Variants in ANKRD31 observed in about 807,000 individuals in gnomAD.
ANKRD31 encodes the protein ankyrin repeat domain-containing protein 31.
ANKRD31 carries 147 observed loss-of-function variants against 186.0 expected under a neutral mutation model. The observed-to-expected ratio is 0.79, with a 90% confidence interval of 0.69 to 0.91. The LOEUF (loss-of-function observed/expected upper bound fraction) is 0.91. Ranked by LOEUF, ANKRD31 falls within the 40% of genes least tolerant of loss-of-function variation. ANKRD31 has a pLI of 0.00. For missense variants in ANKRD31, 1,986 were observed against 2,148.8 expected (o/e 0.92, Z 1.50); for synonymous variants, 673 against 736.4 (o/e 0.91, Z 1.39).
At chr5:75,170,562 T>C (rs766943170) in intron 10 of ANKRD31, among the ~76,000 whole-genome samples, 7 of 152,096 alleles carry the variant, frequency 4.6e-5, no homozygotes, top group Admixed American at 1.3e-4. Flanking sequence ...TTTAAATGGG[T>C]AAATTGTGTG....
chr5:75,089,684 C>T (rs565605597), intron 23 of ANKRD31, among the ~76,000 whole-genome samples: 17 of 152,158 alleles, frequency 1.1e-4, no homozygotes, highest in Admixed American at 2.6e-4. Context: ...TTTAAAACTC[C>T]GTTTTCATTT....
chr5:75,149,787 T>C (rs1291286550), intron 12 of ANKRD31, among the ~76,000 whole-genome samples: 2 of 151,908 alleles, frequency 1.3e-5, no homozygotes, highest in Non-Finnish European at 2.9e-5. Context: ...TCCATTATTA[T>C]TGTTATTATT....
chr5:75,171,957 G>A (rs975070820), intron 10 of ANKRD31, among the ~76,000 whole-genome samples: 9 of 151,288 alleles, frequency 5.9e-5, no homozygotes, highest in Non-Finnish European at 1.3e-4. Flanking sequence ...AAAACCAAAG[G>A]CATTATAAAA....
chr5:75,092,995 A>T (rs1746038581), intron 22 of ANKRD31, among the ~76,000 whole-genome samples: 1 of 152,242 alleles, frequency 6.6e-6, no homozygotes, highest in Non-Finnish European at 1.5e-5. Context: ...GAGGCTCAAC[A>T]GATTTAAACT....
intron 11 of ANKRD31, among the ~76,000 whole-genome samples, chr5:75,159,884 A>G (rs535084343): frequency 6.6e-6 from 1 of 152,238 alleles, no homozygotes; most frequent in African/African-American, 2.4e-5. Flanking sequence ...GCATAAAACA[A>G]TATGATATTG....
chr5:75,076,134 A>G (rs939090366), intron 25 of ANKRD31, among the ~76,000 whole-genome samples: 2 of 152,192 alleles, frequency 1.3e-5, no homozygotes, highest in Non-Finnish European at 2.9e-5. Context: ...CCTCACACTA[A>G]CCGCTGGTCC....
intron 17 of ANKRD31, among the ~76,000 whole-genome samples, chr5:75,120,838 A>G (rs1202929250): frequency 3.3e-5 from 5 of 152,200 alleles, no homozygotes; most frequent in African/African-American, 1.2e-4. Context: ...GGATTTTTAA[A>G]ATGAACCAAC....
chr5:75,092,782 G>T (rs1580307895), intron 22 of ANKRD31, among the ~76,000 whole-genome samples: 1 of 152,074 alleles, frequency 6.6e-6, no homozygotes, highest in Non-Finnish European at 1.5e-5. Flanking sequence ...CCAGACACTG[G>T]ATTTAACAAA....
Position 75,146,040 on chromosome 5 carries a change from G to A in ANKRD31, c.3371C>T (p.Ala1124Val), listed in dbSNP as rs1434749293. 1.3e-6 allele frequency: 2 copies of A among 1,508,412 alleles called. No individual in the cohort carries two copies. Among genetic ancestry groups the A allele is most frequent in the Admixed American group, 4.6e-5 (2 of 43,016 alleles). The allele number at this position is 1,508,412 out of a possible 1,614,324, so 93.4% of individuals were successfully genotyped here. ...TCTTTGACTAAGTTTTGAGATGTTG[G>A]CCAATTCTTTACTCATATTGTCAGT... is the stretch of plus-strand genomic sequence containing the variant. ...HSTDNMSKEL[A>V]NISKLSQREK... is the part of the protein sequence containing the mutation. The change falls in exon 14 of 26, where the codon GCC becomes GTC. Residue 1124 changes from alanine (A) to valine (V), a missense_variant. Physicochemically the swap from Ala to Val is moderately conservative, Grantham distance 64. Coordinates refer to ENST00000506364, the MANE Select transcript of ANKRD31 (RefSeq NM_001372053.1).
chr5:75,193,954 T>G (rs565773318), intron 7 of ANKRD31, among the ~76,000 whole-genome samples: 27 of 152,302 alleles, frequency 1.8e-4, no homozygotes, highest in Admixed American at 1.5e-3. Context: ...GCTAGATCAA[T>G]GGACTATTCA....
intron 10 of ANKRD31, among the ~76,000 whole-genome samples, chr5:75,178,678 G>A: frequency 6.6e-6 from 1 of 152,086 alleles, no homozygotes; most frequent in Admixed American, 6.6e-5. Flanking sequence ...GATGTTCTTT[G>A]AAACCAACGA....
At chr5:75,138,473 G>C (rs1282889025) in intron 16 of ANKRD31, among the ~76,000 whole-genome samples, 2 of 152,034 alleles carry the variant, frequency 1.3e-5, no homozygotes, top group African/African-American at 4.8e-5. Context: ...AAAATAAAGA[G>C]AGAAAAAGGA....
chr5:75,126,538 T>C (rs1197538970), intron 17 of ANKRD31, among the ~76,000 whole-genome samples: 1 of 152,206 alleles, frequency 6.6e-6, no homozygotes, highest in African/African-American at 2.4e-5. Context: ...ATAAAGCTGC[T>C]ATCCACATTC....
At chr5:75,131,245 G>A (rs984614352) in intron 17 of ANKRD31, among the ~76,000 whole-genome samples, 4 of 152,232 alleles carry the variant, frequency 2.6e-5, no homozygotes, top group African/African-American at 9.6e-5. Flanking sequence ...ACGGCAGGCT[G>A]AAGGGCCCCT....
intron 17 of ANKRD31, among the ~76,000 whole-genome samples, chr5:75,121,180 T>TAA (rs369698514): frequency 2.0e-4 from 25 of 124,476 alleles, no homozygotes; most frequent in East Asian, 9.4e-4. Flanking sequence ...AGACTCTATA[T>TAA]AAAAAAAAAA....
intron 20 of ANKRD31, among the ~76,000 whole-genome samples, chr5:75,111,525 G>C (rs1012903454): frequency 1.3e-5 from 2 of 152,094 alleles, no homozygotes; most frequent in South Asian, 4.1e-4. Context: ...TTTTTTTAAA[G>C]ACTATACAAA....
At chr5:75,115,854 T>A (rs974212597) in intron 19 of ANKRD31, among the ~76,000 whole-genome samples, 1 of 152,048 alleles carries the variant, frequency 6.6e-6, no homozygotes, top group Non-Finnish European at 1.5e-5. Flanking sequence ...AGTGTGGCGA[T>A]TCCTCAGGGA....
chr5:75,081,269 C>A (rs535468647), intron 24 of ANKRD31, among the ~76,000 whole-genome samples: 2 of 152,218 alleles, frequency 1.3e-5, no homozygotes, highest in South Asian at 2.1e-4. Flanking sequence ...TTAAAATTTC[C>A]TTTTCTTTTT....
intron 19 of ANKRD31, among the ~76,000 whole-genome samples, chr5:75,113,699 A>C (rs1747964437): frequency 6.6e-6 from 1 of 152,226 alleles, no homozygotes; most frequent in Non-Finnish European, 1.5e-5. Flanking sequence ...GATATTTTAA[A>C]AGTACATAAT....
Sources: allele counts gnomAD v4.1 joint callset (sites outside exome capture counted in the v4.1 genomes callset), GRCh38; gene constraint gnomAD v4.1.1; transcripts MANE v1.5; gene names NCBI Gene and HGNC (gene_info 2026-07-23, HGNC 2026-07-21).